TUT4: variants seen among roughly 807,000 people sequenced by gnomAD.
The protein encoded by TUT4 is terminal uridylyltransferase 4.
A neutral mutation model predicts 192.2 loss-of-function variants in TUT4; 36 were observed. The ratio of observed to expected loss-of-function variants is 0.19; its 90% confidence interval spans 0.14 to 0.25. The LOEUF is 0.25. TUT4 is among the 10% of genes least tolerant of loss of function. The pLI is 1.00. For missense variants in TUT4, 1,493 were observed against 1,957.2 expected (o/e 0.76, Z 4.47); for synonymous variants, 618 against 666.0 (o/e 0.93, Z 1.11).
intron 4 of TUT4, among the ~76,000 whole-genome samples, chr1:52,499,667 G>C (rs1373966634): frequency 6.6e-6 from 1 of 152,142 alleles, no homozygotes; most frequent in African/African-American, 2.4e-5. Flanking sequence ...CCCGGAGGTG[G>C]AGGTTGCAGT....
chr1:52,508,201 C>A (rs565897113), intron 4 of TUT4, among the ~76,000 whole-genome samples: 38 of 151,940 alleles, frequency 2.5e-4, no homozygotes, highest in African/African-American at 8.9e-4. Flanking sequence ...GCATGGTATG[C>A]CTGTAATCCT....
At chr1:52,435,522 C>T (rs1570202540) in intron 26 of TUT4, 57 bp from the exon 27 acceptor site, 1 of 1,339,568 alleles carries the variant, frequency 7.5e-7, no homozygotes, top group African/African-American at 1.4e-5. Flanking sequence ...AGAGAAATGA[C>T]AATAAATAAA....
chr1:52,496,611 A>G (rs373933811), intron 5 of TUT4, among the ~76,000 whole-genome samples: 1 of 152,186 alleles, frequency 6.6e-6, no homozygotes, highest in African/African-American at 2.4e-5. Context: ...AGCTTTTTCT[A>G]AAGGCCCTAT....
At chr1:52,502,564 C>CAATCTACT (rs1557870622) in intron 4 of TUT4, among the ~76,000 whole-genome samples, 1 of 149,608 alleles carries the variant, frequency 6.7e-6, no homozygotes, top group East Asian at 2.0e-4. Flanking sequence ...AAACATTACA[C>CAATCTACT]AATCTACTAG....
chr1:52,530,670 T>G (rs1683124598), intron 1 of TUT4, among the ~76,000 whole-genome samples: 1 of 152,178 alleles, frequency 6.6e-6, no homozygotes, highest in Admixed American at 6.5e-5. Context: ...AAGATGTAAT[T>G]CCTAGAAACG....
At chr1:52,517,651 T>C (rs963847581) in intron 2 of TUT4, among the ~76,000 whole-genome samples, 1 of 152,230 alleles carries the variant, frequency 6.6e-6, no homozygotes, top group African/African-American at 2.4e-5. Flanking sequence ...GAAGTATGGC[T>C]AGGTTACATA....
rs1648787066 is a variant in TUT4 at position 52,423,595 on chromosome 1, CTCTT to C, written c.*336_*339del. ...TAAAGAATGTAATTTTTTAAATTCT[CTCTT>C]TATACAATTCATCAAGGTTAAACAA... On this transcript the variant is annotated 3_prime_UTR_variant, in exon 30 of 30. Coordinates refer to ENST00000257177, the MANE Select transcript of TUT4 (RefSeq NM_001009881.3). The C allele has an allele frequency of 1.2e-5, 4 of 340,968 alleles. No individual in the cohort carries two copies. Among genetic ancestry groups the C allele is most frequent in the Admixed American group, 8.7e-5 (2 of 22,888 alleles). 21.1% of individuals were successfully genotyped at this position (340,968 alleles called of 1,614,324 possible).
intron 3 of TUT4, among the ~76,000 whole-genome samples, chr1:52,513,393 CA>C (rs554170439): frequency 1.7e-3 from 71 of 42,096 alleles, no homozygotes; most frequent in African/African-American, 4.5e-3. Context: ...GACCCTGTCT[CA>C]AAAAAAAAAA....
chr1:52,457,948 A>G (rs1661446771), intron 20 of TUT4, among the ~76,000 whole-genome samples: 1 of 152,210 alleles, frequency 6.6e-6, no homozygotes, highest in Non-Finnish European at 1.5e-5. Context: ...GAATAAATCA[A>G]TCTTCATTGC....
intron 24 of TUT4, among the ~76,000 whole-genome samples, chr1:52,439,743 C>G (rs1654938154): frequency 6.6e-6 from 1 of 152,110 alleles, no homozygotes. Flanking sequence ...ATAAATTTAT[C>G]AAAATGACAC....
intron 19 of TUT4, among the ~76,000 whole-genome samples, chr1:52,459,874 G>A (rs1440318563): frequency 4.0e-5 from 6 of 150,928 alleles, no homozygotes; most frequent in African/African-American, 9.7e-5. Flanking sequence ...AGAGAAAGAC[G>A]CCATCTCAAA....
intron 3 of TUT4, among the ~76,000 whole-genome samples, chr1:52,513,000 G>A (rs762286320): frequency 1.3e-5 from 2 of 151,920 alleles, no homozygotes; most frequent in Non-Finnish European, 2.9e-5. Flanking sequence ...GCGCATGCCT[G>A]TAGTCCTAGC....
At chr1:52,550,887 C>T (rs530432566) in intron 1 of TUT4, among the ~76,000 whole-genome samples, 2 of 152,190 alleles carry the variant, frequency 1.3e-5, no homozygotes, top group African/African-American at 4.8e-5. Context: ...TCAACAGATC[C>T]TGATTTGACA....
intron 1 of TUT4, among the ~76,000 whole-genome samples, chr1:52,530,443 G>C (rs188636899): frequency 1.3e-5 from 2 of 151,850 alleles, no homozygotes; most frequent in African/African-American, 2.4e-5. Context: ...TAGAGAATGG[G>C]GTATCCATCC....
intron 4 of TUT4, among the ~76,000 whole-genome samples, chr1:52,500,739 G>A (rs1673865656): frequency 6.6e-6 from 1 of 152,068 alleles, no homozygotes; most frequent in African/African-American, 2.4e-5. Context: ...TCCAGCCTGG[G>A]CAACAAGAAT....
intron 27 of TUT4, chr1:52,435,029 G>C (rs948705916): frequency 3.0e-5 from 5 of 164,602 alleles, no homozygotes; most frequent in African/African-American, 1.2e-4. Flanking sequence ...CAATTTTTTG[G>C]TCTATTTTTA....
At chr1:52,440,112 G>A (rs554470748) in intron 24 of TUT4, among the ~76,000 whole-genome samples, 1 of 152,332 alleles carries the variant, frequency 6.6e-6, no homozygotes, top group South Asian at 2.1e-4. Context: ...TTTGAGAAGA[G>A]GGGAAGAGAC....
At chr1:52,482,493 G>A (rs1448974260) in intron 9 of TUT4, among the ~76,000 whole-genome samples, 1 of 152,130 alleles carries the variant, frequency 6.6e-6, no homozygotes. Context: ...AGGGTGAAGT[G>A]CAGTGGCATG....
At chr1:52,536,276 C>T (rs569051302) in intron 1 of TUT4, among the ~76,000 whole-genome samples, 4 of 152,050 alleles carry the variant, frequency 2.6e-5, no homozygotes, top group Non-Finnish European at 5.9e-5. Context: ...AGAGTATTTG[C>T]GTACTATTTA....
Sources: allele counts gnomAD v4.1 joint callset (sites outside exome capture counted in the v4.1 genomes callset), GRCh38; gene constraint gnomAD v4.1.1; transcripts MANE v1.5; gene names NCBI Gene and HGNC (gene_info 2026-07-23, HGNC 2026-07-21).